EMP2: variants seen among roughly 807,000 people sequenced by gnomAD.
The protein encoded by EMP2 is epithelial membrane protein 2.
In EMP2, 19 loss-of-function variants were observed where a neutral mutation model predicts 13.7. The ratio of observed to expected loss-of-function variants is 1.38; its 90% CI spans 0.97 to 2.03. The LOEUF (loss-of-function observed/expected upper bound fraction) is 2.03. EMP2 is among the 30% of genes most tolerant of loss of function. The pLI is 0.00. For missense variants in EMP2, 253 were observed against 220.7 expected, an observed-to-expected ratio of 1.15 and a Z score of -0.93; for synonymous variants, 97 against 84.7, an observed-to-expected ratio of 1.15 and a Z score of -0.80.
intron 2 of EMP2, 136 bp downstream of exon 2, chr16:10,547,404 T>C: frequency 1.1e-6 from 1 of 941,402 alleles, no homozygotes; most frequent in Non-Finnish European, 1.6e-6. Flanking sequence ...TGTGAGTCCA[T>C]TAGACCTCAT....
rs558092475 is a variant in EMP2, at chr16:10,578,491, C to A, written c.-61+2058G>T. Among the ~76,000 whole-genome samples, 5 of 152,302 alleles carry A rather than the reference C, an allele frequency of 3.3e-5. No homozygotes were observed. The South Asian group carries it at 1.0e-3, about 32-fold the overall frequency. Reference sequence around the variant, plus strand: ...ATAAAACGCCACCAAGCCCTTTTAGCCCCTCATTAGCTAGACCCTAATCTG... The same window carrying A: ...ATAAAACGCCACCAAGCCCTTTTAGACCCTCATTAGCTAGACCCTAATCTG... On this transcript the variant is annotated intron_variant, in intron 1 of 4. Transcript: ENST00000359543.
chr16:10,532,744 T>TTTTTC lies in EMP2; in HGVS notation c.*160_*161insGAAAA, dbSNP rs2050613908. 3 of 369,976 alleles carry TTTTTC rather than the reference T, an allele frequency of 8.1e-6. No homozygotes were observed. Among genetic ancestry groups the TTTTTC allele is most frequent in the African/African-American group, 2.7e-5 (1 of 37,678 alleles). 22.9% of individuals were successfully genotyped at this position (369,976 alleles called of 1,614,324 possible). On this transcript the variant is annotated 3_prime_UTR_variant, in exon 5 of 5. Coordinates refer to ENST00000359543, the MANE Select transcript of EMP2 (RefSeq NM_001424.6). ...AAAAACTCTTCTCTCTTTTGGATTT[T>TTTTTC]TTTTTTCTTTTTTCTTTTTTTTTTT...
intron 2 of EMP2, 67 bp downstream of exon 2, chr16:10,547,473 A>G: frequency 1.3e-6 from 2 of 1,545,820 alleles, no homozygotes. Flanking sequence ...AGAACAGACC[A>G]ATACAACCCA....
At chr16:10,567,224 G>A (rs558448004) in intron 1 of EMP2, among the ~76,000 whole-genome samples, 32 of 152,276 alleles carry the variant, frequency 2.1e-4, no homozygotes, top group Middle Eastern at 3.4e-3. Flanking sequence ...CTCTGTCCCC[G>A]TGCCCAGCAC....
At position 10,530,721 on chromosome 16, in the gene EMP2, A is replaced by G. The variant is rs3790125; in HGVS notation, c.*2184T>C. 17,570 of 152,208 alleles carry G rather than the reference A, an allele frequency of 0.12. 1,172 individuals carry two copies. Among genetic ancestry groups the G allele is most frequent in the South Asian group, 0.3 (1,442 of 4,808 alleles). 9.4% of individuals were successfully genotyped at this position (152,208 alleles called of 1,614,324 possible). ...CCCTCTGAATCAGCCTGTCCCAAGC[A>G]GCACGGGAACCCCTAAAGCTTGAAA... On this transcript the variant is annotated 3_prime_UTR_variant, in exon 5 of 5. Transcript: ENST00000359543.
At chr16:10,553,189 C>G (rs920360213) in intron 1 of EMP2, among the ~76,000 whole-genome samples, 1 of 152,232 alleles carries the variant, frequency 6.6e-6, no homozygotes, top group African/African-American at 2.4e-5. Flanking sequence ...TCCTGCATCT[C>G]TATACCAAAA....
intron 1 of EMP2, among the ~76,000 whole-genome samples, chr16:10,562,797 G>A (rs1240275539): frequency 6.6e-6 from 1 of 152,200 alleles, no homozygotes; most frequent in Admixed American, 6.5e-5. Context: ...GCAAATACTT[G>A]TTAAATGTTT....
intron 2 of EMP2, 76 bp downstream of exon 2, chr16:10,547,464 G>T: frequency 6.7e-7 from 1 of 1,493,406 alleles, no homozygotes; most frequent in Non-Finnish European, 9.3e-7. Flanking sequence ...AGCAGCATGA[G>T]AACAGACCAA....
chr16:10,560,393 A>G (rs2050862873), intron 1 of EMP2, among the ~76,000 whole-genome samples: 1 of 152,212 alleles, frequency 6.6e-6, no homozygotes, highest in African/African-American at 2.4e-5. Context: ...AAGGACAGGC[A>G]AGGACTGTGA....
chr16:10,547,061 A>G (rs7202131), intron 2 of EMP2: 14,205 of 152,744 alleles, frequency 0.093, 1,378 homozygotes, highest in African/African-American at 0.25. Flanking sequence ...CGCAGGGAGG[A>G]CAACCCCGAA....
chr16:10,538,308 C>T lies in EMP2; in HGVS notation c.170-234G>A, dbSNP rs116766987. Among the ~76,000 whole-genome samples, 2,348 of 152,290 alleles carry T rather than the reference C, an allele frequency of 0.015. 57 individuals are homozygous for T. Among genetic ancestry groups the T allele is most frequent in the African/African-American group, 0.054 (2,242 of 41,554 alleles). ...AATCCTCGACCCCTTATCTGGAAGA[C>T]GAGGCAAGAACCACCTGCTCTGCAT... On this transcript the variant is annotated intron_variant, in intron 3 of 4. Coordinates refer to ENST00000359543, the MANE Select transcript of EMP2 (RefSeq NM_001424.6).
At chr16:10,574,187 C>G (rs2050967015) in intron 1 of EMP2, among the ~76,000 whole-genome samples, 1 of 152,166 alleles carries the variant, frequency 6.6e-6, no homozygotes, top group Non-Finnish European at 1.5e-5. Context: ...ATCTGCCTGC[C>G]TTGGCCTCCC....
chr16:10,560,050 G>C (rs1446157291), intron 1 of EMP2, among the ~76,000 whole-genome samples: 1 of 152,158 alleles, frequency 6.6e-6, no homozygotes, highest in Non-Finnish European at 1.5e-5. Flanking sequence ...GCTAGTAAAA[G>C]CTGGAGCTGG....
intron 1 of EMP2, among the ~76,000 whole-genome samples, chr16:10,554,473 G>C (rs779887218): frequency 1.3e-5 from 2 of 152,022 alleles, no homozygotes; most frequent in Admixed American, 6.6e-5. Flanking sequence ...TTTCCAAGTG[G>C]TGCTGTCTCC....
intron 1 of EMP2, among the ~76,000 whole-genome samples, chr16:10,559,731 A>G (rs1381970768): frequency 6.6e-6 from 1 of 152,186 alleles, no homozygotes; most frequent in Non-Finnish European, 1.5e-5. Flanking sequence ...CTAGAGTGCC[A>G]TGGTGCGATC....
Position 10,533,088 on chromosome 16 carries a change from C to G in EMP2, c.321G>C (p.Leu107=). ...LTSIIQLMSC[L]CVMIAASIYT... ...AAATGGAGGCCGCAATCATGACACA[C>G]AGACCTGTCAGGAAGAAAGGTGAAT... The change falls in exon 5 of 5, where the codon CTG becomes CTC. Residue 107 remains leucine (L), a synonymous_variant. Coordinates refer to ENST00000359543, the MANE Select transcript of EMP2 (RefSeq NM_001424.6). 6.4e-7 allele frequency: 1 copy of G among 1,565,444 alleles called. No homozygotes were observed. Among genetic ancestry groups the G allele is most frequent in the Non-Finnish European group, 8.7e-7 (1 of 1,151,324 alleles).
intron 1 of EMP2, among the ~76,000 whole-genome samples, chr16:10,572,344 G>C (rs1263606416): frequency 6.6e-6 from 1 of 152,062 alleles, no homozygotes; most frequent in Non-Finnish European, 1.5e-5. Flanking sequence ...CTACTCAGGA[G>C]GCTGAGGACA....
chr16:10,565,669 T>G (rs2050902543), intron 1 of EMP2, among the ~76,000 whole-genome samples: 1 of 152,050 alleles, frequency 6.6e-6, no homozygotes, highest in Non-Finnish European at 1.5e-5. Flanking sequence ...AGCTGGAAGG[T>G]TGAGCCCCTT....
intron 1 of EMP2, among the ~76,000 whole-genome samples, chr16:10,561,145 G>A (rs1490307050): frequency 6.6e-6 from 1 of 152,106 alleles, no homozygotes; most frequent in Non-Finnish European, 1.5e-5. Flanking sequence ...TCCAGAAGCA[G>A]AAGCAACAGG....
Sources: gnomAD v4.1 joint callset for allele counts (sites outside exome capture counted in the v4.1 genomes callset) on GRCh38, gnomAD v4.1.1 for gene constraint, MANE v1.5 for transcripts, NCBI Gene and HGNC (gene_info 2026-07-23, HGNC 2026-07-21) for gene names.